NRXN3: variants seen among roughly 807,000 people sequenced by gnomAD.
The protein encoded by NRXN3 is neurexin III.
A neutral mutation model predicts 137.6 loss-of-function variants in NRXN3; 32 were observed. The observed-to-expected ratio is 0.23, with a 90% confidence interval of 0.18 to 0.31. The LOEUF is 0.31. Ranked by LOEUF, NRXN3 falls within the 10% of genes least tolerant of loss-of-function variation. The pLI, the probability that NRXN3 is intolerant of heterozygous loss-of-function variation, is 1.00. For missense variants in NRXN3, 1,574 were observed against 2,062.5 expected (o/e 0.76, Z 4.59); for synonymous variants, 798 against 784.5 (o/e 1.02, Z -0.29).
chr14:79,571,074 A>G (rs538397730), intron 16 of NRXN3, among the ~76,000 whole-genome samples: 62 of 152,268 alleles, frequency 4.1e-4, no homozygotes, highest in African/African-American at 1.4e-3. Context: ...GTCTATGACA[A>G]TCCTCATTTA....
At chr14:79,380,269 C>A (rs1019028339) in intron 15 of NRXN3, among the ~76,000 whole-genome samples, 1 of 148,312 alleles carries the variant, frequency 6.7e-6, no homozygotes, top group African/African-American at 2.5e-5. Context: ...CATATGTATA[C>A]ATGTGCCATG....
intron 16 of NRXN3, among the ~76,000 whole-genome samples, chr14:79,609,968 G>A (rs1351202892): frequency 6.6e-6 from 1 of 152,060 alleles, no homozygotes; most frequent in Admixed American, 6.5e-5. Flanking sequence ...GGTTGGGGGA[G>A]GGATAGCATT....
intron 15 of NRXN3, among the ~76,000 whole-genome samples, chr14:79,142,546 G>A (rs372317263): frequency 6.6e-6 from 1 of 152,180 alleles, no homozygotes; most frequent in Non-Finnish European, 1.5e-5. Flanking sequence ...TGGTTGAATT[G>A]GGTGAGTGGC....
chr14:79,301,819 T>C (rs1261380382), intron 15 of NRXN3, among the ~76,000 whole-genome samples: 1 of 151,896 alleles, frequency 6.6e-6, no homozygotes, highest in Non-Finnish European at 1.5e-5. Context: ...AATATATGTG[T>C]ATGTTTAAGG....
chr14:78,497,499 C>T lies in NRXN3; in HGVS notation c.758-147621C>T, dbSNP rs10483904. Among the ~76,000 whole-genome samples, 857 of 152,192 alleles carry T rather than the reference C, an allele frequency of 5.6e-3. 37 individuals are homozygous for T. Among genetic ancestry groups the T allele is most frequent in the Admixed American group, 0.046 (699 of 15,270 alleles). On this transcript the variant is annotated intron_variant, in intron 4 of 20. Transcript: ENST00000335750. ...GCTATCACTTGCTGTTCTCATTAAC[C>T]TGGAAATAGACACCACATTTTATCT...
intron 9 of NRXN3, 145 bp downstream of exon 9, chr14:78,803,968 A>G (rs2098847350): frequency 6.5e-6 from 5 of 769,324 alleles, no homozygotes; most frequent in Non-Finnish European, 1.1e-5. Flanking sequence ...ATAAAACCCA[A>G]CAGCAGCGAT....
intron 4 of NRXN3, among the ~76,000 whole-genome samples, chr14:78,542,399 A>T (rs929388853): frequency 6.6e-6 from 1 of 152,176 alleles, no homozygotes; most frequent in Non-Finnish European, 1.5e-5. Context: ...GCAATGGCAG[A>T]TGCCCCTCCC....
chr14:78,873,581 G>A (rs2152572280), intron 10 of NRXN3, among the ~76,000 whole-genome samples: 1 of 152,246 alleles, frequency 6.6e-6, no homozygotes, highest in Non-Finnish European at 1.5e-5. Context: ...TTAACTGAAA[G>A]GACAAATACA....
chr14:78,524,156 T>C (rs913957748), intron 4 of NRXN3, among the ~76,000 whole-genome samples: 1 of 152,240 alleles, frequency 6.6e-6, no homozygotes, highest in African/African-American at 2.4e-5. Flanking sequence ...GTCACGATTA[T>C]GGATATCACT....
intron 17 of NRXN3, among the ~76,000 whole-genome samples, chr14:79,684,495 C>T (rs2098686794): frequency 6.6e-6 from 1 of 152,056 alleles, no homozygotes; most frequent in South Asian, 2.1e-4. Flanking sequence ...TCTAAAATGT[C>T]TACAATTTTA....
intron 16 of NRXN3, among the ~76,000 whole-genome samples, chr14:79,642,047 G>A (rs1163275177): frequency 7.4e-6 from 1 of 135,494 alleles, no homozygotes; most frequent in Non-Finnish European, 1.7e-5. Context: ...TGACATAAAA[G>A]TATTTTCCGA....
At chr14:79,382,518 T>C (rs1189757173) in intron 15 of NRXN3, among the ~76,000 whole-genome samples, 4 of 152,156 alleles carry the variant, frequency 2.6e-5, no homozygotes, top group Non-Finnish European at 4.4e-5. Flanking sequence ...ATCTCCTCTC[T>C]CAGAACAATT....
At chr14:79,298,517 A>G (rs2084586675) in intron 15 of NRXN3, among the ~76,000 whole-genome samples, 1 of 152,172 alleles carries the variant, frequency 6.6e-6, no homozygotes, top group Non-Finnish European at 1.5e-5. Flanking sequence ...CAGAGGTCTT[A>G]ACATTTTTTC....
intron 6 of NRXN3, among the ~76,000 whole-genome samples, chr14:78,654,998 T>C (rs1220133624): frequency 6.6e-6 from 1 of 152,174 alleles, no homozygotes; most frequent in African/African-American, 2.4e-5. Context: ...AAAGATTATA[T>C]TAAAAGCCTC....
intron 2 of NRXN3, among the ~76,000 whole-genome samples, chr14:78,244,338 G>C (rs61975995): frequency 0.089 from 13,514 of 151,998 alleles, 1,033 homozygotes; most frequent in East Asian, 0.31. Flanking sequence ...GCTGAGGCAG[G>C]ATAATCGCTC....
At chr14:79,842,076 C>T (rs919521591) in intron 20 of NRXN3, among the ~76,000 whole-genome samples, 2 of 152,172 alleles carry the variant, frequency 1.3e-5, no homozygotes, top group African/African-American at 2.4e-5. Flanking sequence ...GCAAGGTATT[C>T]GTGGCTATTC....
chr14:79,085,619 C>T (rs1262795973), intron 15 of NRXN3, among the ~76,000 whole-genome samples: 2 of 151,964 alleles, frequency 1.3e-5, no homozygotes, highest in Admixed American at 6.6e-5. Context: ...AGTTTAATGA[C>T]TTGGGCTTAT....
intron 15 of NRXN3, among the ~76,000 whole-genome samples, chr14:79,173,727 A>C (rs1415235784): frequency 1.3e-5 from 2 of 152,120 alleles, no homozygotes; most frequent in Non-Finnish European, 2.9e-5. Context: ...GAAGGTAGGC[A>C]ATCCAGACCT....
chr14:78,586,048 T>C (rs2097059174), intron 4 of NRXN3, among the ~76,000 whole-genome samples: 1 of 152,220 alleles, frequency 6.6e-6, no homozygotes, highest in Non-Finnish European at 1.5e-5. Flanking sequence ...GAGCAGGAAT[T>C]GTCAGACAGT....
Sources: gnomAD v4.1 joint callset for allele counts (sites outside exome capture counted in the v4.1 genomes callset) on GRCh38, gnomAD v4.1.1 for gene constraint, MANE v1.5 for transcripts, NCBI Gene and HGNC (gene_info 2026-07-23, HGNC 2026-07-21) for gene names.